The following DYNAP variants were observed in gnomAD, a reference collection of about 807,000 sequenced individuals.
DYNAP encodes dynactin-associated protein.
In DYNAP, 7 loss-of-function variants were observed where a neutral mutation model predicts 8.5. The ratio of observed to expected loss-of-function variants is 0.82; its 90% CI spans 0.47 to 1.54. DYNAP has a LOEUF of 1.54. Ranked by LOEUF, DYNAP falls within the 40% of genes most tolerant of loss-of-function variation. DYNAP has a pLI of 0.01. For synonymous variants in DYNAP, 77 were observed against 77.9 expected (o/e 0.99, Z 0.06); for missense variants, 256 against 224.3 (o/e 1.14, Z -0.90).
In DYNAP at chr18:54,597,813, G is replaced by A; in HGVS notation, c.223G>A (p.Val75Ile). The A allele has an allele frequency of 1.2e-6, 2 of 1,601,410 alleles. No homozygotes were observed. The highest frequency in any genetic ancestry group is 1.7e-6 in the Non-Finnish European group (2 of 1,171,468). The change falls in exon 3 of 3, where the codon GTA becomes ATA. Residue 75 changes from valine to isoleucine, a missense_variant and splice_region_variant. Coordinates refer to ENST00000648945, the MANE Select transcript of DYNAP (RefSeq NM_173629.3). The part of the protein sequence containing the change: ...CLQSESCNTQ[V>I]KEYCRNDWSM... ...CTGATATTTTTATATACATGCTTAG[G>A]TAAAAGAATATTGCCGCAATGACTG...
intron 1 of DYNAP, 87 bp from the exon 2 acceptor site, chr18:54,594,851 TA>T: frequency 7.1e-7 from 1 of 1,401,126 alleles, no homozygotes; most frequent in Non-Finnish European, 9.6e-7. Flanking sequence ...GTCATACTCT[TA>T]GGTACTTTTG....
upstream of DYNAP, among the ~76,000 whole-genome samples, chr18:54,584,544 C>A (rs992467575): frequency 2.0e-5 from 3 of 151,862 alleles, no homozygotes; most frequent in Non-Finnish European, 4.4e-5. Flanking sequence ...TGAAAAAATA[C>A]AGTATAATAG....
chr18:54,585,449 C>G (rs1446316323), upstream of DYNAP, among the ~76,000 whole-genome samples: 1 of 152,124 alleles, frequency 6.6e-6, no homozygotes, highest in Non-Finnish European at 1.5e-5. Flanking sequence ...ACTCTTCCTA[C>G]TTTCCCCCAG....
chr18:54,585,687 G>C (rs1248920224), upstream of DYNAP, among the ~76,000 whole-genome samples: 6 of 152,062 alleles, frequency 3.9e-5, no homozygotes, highest in Admixed American at 3.9e-4. Context: ...TCACTATCCT[G>C]CCTACCTGCT....
chr18:54,597,393 T>C (rs1374956931), intron 2 of DYNAP, among the ~76,000 whole-genome samples: 1 of 151,992 alleles, frequency 6.6e-6, no homozygotes, highest in Non-Finnish European at 1.5e-5. Flanking sequence ...AATCTGATAA[T>C]GGTATATCAT....
chr18:54,577,148 T>C, the DYNAP span, among the ~76,000 whole-genome samples: 1 of 152,172 alleles, frequency 6.6e-6, no homozygotes, highest in Non-Finnish European at 1.5e-5. Flanking sequence ...AAGAAATGCT[T>C]GCCTAAATCT....
intron 1 of DYNAP, 98 bp downstream of exon 1, chr18:54,591,437 A>G (rs2144886569): frequency 2.2e-6 from 3 of 1,364,568 alleles, no homozygotes; most frequent in Admixed American, 5.3e-5. Context: ...TCTAGCCAAC[A>G]TCATAATTTT....
chr18:54,591,423 A>G (rs1911072046), intron 1 of DYNAP, 84 bp downstream of exon 1: 1 of 1,455,680 alleles, frequency 6.9e-7, no homozygotes, highest in South Asian at 1.5e-5. Context: ...TCTCTTTATT[A>G]CTATCTAGCC....
At chr18:54,585,752 T>TTA (rs1842739223), upstream of DYNAP, among the ~76,000 whole-genome samples, 1 of 152,228 alleles carries the variant, frequency 6.6e-6, no homozygotes, top group Admixed American at 6.5e-5. Context: ...CAGTCCTGCC[T>TTA]TAGTTCCCAT....
rs778648575 is a variant in DYNAP at position 54,598,152 on chromosome 18, C to T, written c.*7C>T. On this transcript the variant is annotated 3_prime_UTR_variant, in exon 3 of 3. Coordinates refer to ENST00000648945, the MANE Select transcript of DYNAP (RefSeq NM_173629.3). Reference sequence around the variant, plus strand: ...ACCTACCGATCATTTATAATTTGAACAGCCATAGCCATCACTTCAACTGAA... The same window carrying T: ...ACCTACCGATCATTTATAATTTGAATAGCCATAGCCATCACTTCAACTGAA... 6.3e-7 allele frequency: 1 copy of T among 1,591,904 alleles called. No individual in the cohort carries two copies. Among genetic ancestry groups the T allele is most frequent in the Admixed American group, 1.7e-5 (1 of 58,828 alleles).
chr18:54,580,150 A>T, the DYNAP span, among the ~76,000 whole-genome samples: 1 of 152,248 alleles, frequency 6.6e-6, no homozygotes, highest in African/African-American at 2.4e-5. Flanking sequence ...CTGATTAAAC[A>T]TTATCCTCAG....
intron 2 of DYNAP, among the ~76,000 whole-genome samples, chr18:54,596,144 C>T (rs1432882816): frequency 6.6e-6 from 1 of 151,860 alleles, no homozygotes; most frequent in African/African-American, 2.4e-5. Flanking sequence ...ACAATCATGT[C>T]TCACTGCAGC....
chr18:54,593,629 G>A (rs144804090), intron 1 of DYNAP, among the ~76,000 whole-genome samples: 5 of 152,200 alleles, frequency 3.3e-5, no homozygotes, highest in East Asian at 1.9e-4. Flanking sequence ...TGTTTGATAT[G>A]TAACAAAACT....
the DYNAP span, among the ~76,000 whole-genome samples, chr18:54,581,907 A>G: frequency 2.6e-5 from 4 of 152,366 alleles, no homozygotes; most frequent in African/African-American, 9.6e-5. Flanking sequence ...AGCAATTTTA[A>G]TAAAAGATTA....
upstream of DYNAP, chr18:54,587,996 A>G: frequency 5.1e-6 from 2 of 393,514 alleles, no homozygotes; most frequent in Non-Finnish European, 9.0e-6. Context: ...ATTCCAACAT[A>G]CAAAAAGCTA....
rs745833907 is a variant in DYNAP at position 54,597,889 on chromosome 18, C to G, written c.299C>G (p.Thr100Arg). The change falls in exon 3 of 3, where the codon ACA becomes AGA. Residue 100 changes from threonine (T) to arginine (R), a missense_variant. Transcript: ENST00000648945. ...LACLLACVIM[T>R]AIGVLIICLV... ...TGTCTCTTAGCCTGTGTGATAATGA[C>G]AGCAATTGGAGTACTTATAATATGC... 9.3e-6 allele frequency: 15 copies of G among 1,613,446 alleles called. No individual in the cohort carries two copies. The African/African-American group carries it at 2.0e-4, about 22-fold the overall frequency.
At chr18:54,585,616 T>G (rs983370412), upstream of DYNAP, among the ~76,000 whole-genome samples, 1 of 152,198 alleles carries the variant, frequency 6.6e-6, no homozygotes, top group Admixed American at 6.5e-5. Flanking sequence ...CCCTCAAAGA[T>G]CACTTCCTTT....
intron 2 of DYNAP, among the ~76,000 whole-genome samples, chr18:54,595,772 T>C (rs1370089138): frequency 6.6e-6 from 1 of 152,174 alleles, no homozygotes; most frequent in African/African-American, 2.4e-5. Context: ...TGACTATAAA[T>C]TACCAATATG....
chr18:54,594,905 A>T (rs780183487), intron 1 of DYNAP, 34 bp from the exon 2 acceptor site: 9 of 1,583,170 alleles, frequency 5.7e-6, no homozygotes, highest in Non-Finnish European at 8.6e-7. Flanking sequence ...ATGGTTTCCT[A>T]GGCTTCCTAC....
Sources: allele counts gnomAD v4.1 joint callset (sites outside exome capture counted in the v4.1 genomes callset), GRCh38; gene constraint gnomAD v4.1.1; transcripts MANE v1.5; gene names NCBI Gene and HGNC (gene_info 2026-07-23, HGNC 2026-07-21).